The following C3orf20 variants were observed in gnomAD, a reference collection of about 807,000 sequenced individuals.
C3orf20 encodes family with sequence similarity 149 member C.
C3orf20 carries 76 observed loss-of-function variants against 88.3 expected under a neutral mutation model. The observed-to-expected ratio is 0.86, with a 90% CI of 0.72 to 1.04. C3orf20 has a LOEUF of 1.04. Among genes scored for constraint, C3orf20 ranks in the 50% least tolerant of loss-of-function variants. The probability of loss-of-function intolerance (pLI) is 0.00; values close to 1 mark genes in which losing one functional copy is unlikely to be tolerated. For synonymous variants in C3orf20, 436 were observed against 437.4 expected, an observed-to-expected ratio of 1.00 and a Z score of 0.04; for missense variants, 1,056 against 1,123.3, an observed-to-expected ratio of 0.94 and a Z score of 0.86.
chr3:14,693,796 T>C (rs1226576513), intron 5 of C3orf20, among the ~76,000 whole-genome samples: 4 of 152,246 alleles, frequency 2.6e-5, no homozygotes, highest in Non-Finnish European at 5.9e-5. Context: ...CTTTCAGTTT[T>C]TCCCCATTCA....
chr3:14,696,216 CT>C (rs1239661242), intron 5 of C3orf20, among the ~76,000 whole-genome samples: 3 of 150,964 alleles, frequency 2.0e-5, no homozygotes, highest in East Asian at 3.9e-4. Flanking sequence ...TTATTTTAAG[CT>C]GATAACAACT....
At chr3:14,737,681 G>A (rs2034762424) in intron 12 of C3orf20, among the ~76,000 whole-genome samples, 1 of 152,178 alleles carries the variant, frequency 6.6e-6, no homozygotes, top group African/African-American at 2.4e-5. Context: ...CTTAAAAGAA[G>A]ACAGCAAAAA....
intron 10 of C3orf20, chr3:14,722,634 G>A (rs981350551): frequency 4.2e-5 from 19 of 454,960 alleles, no homozygotes; most frequent in African/African-American, 8.0e-5. Flanking sequence ...GACTGCTTTC[G>A]TTTCAAGTCT....
chr3:14,684,645 C>T (rs986813809), intron 4 of C3orf20, among the ~76,000 whole-genome samples: 8 of 152,210 alleles, frequency 5.3e-5, no homozygotes, highest in African/African-American at 1.7e-4. Context: ...TCCCTAGAGC[C>T]GTGCTCTCAA....
intron 12 of C3orf20, among the ~76,000 whole-genome samples, chr3:14,745,108 G>A (rs1437202576): frequency 6.6e-6 from 1 of 152,238 alleles, no homozygotes; most frequent in East Asian, 1.9e-4. Flanking sequence ...AAATCTGTTT[G>A]CCTGTTAGAG....
chr3:14,682,652 G>C lies in C3orf20; in HGVS notation c.-62G>C, dbSNP rs1241422743. The C allele has an allele frequency of 1.9e-6, 3 of 1,541,966 alleles. No individual in the cohort carries two copies. The Admixed American group carries it at 5.8e-5, about 30-fold the overall frequency. On this transcript the variant is annotated 5_prime_UTR_variant, in exon 3 of 17. Transcript: ENST00000253697. ...GTCCATCTCCAAGCCTTCACCGTAG[G>C]GAAGAACTTTTGCTCTCAGTCACCT...
At chr3:14,712,180 G>GCA (rs764059777) in intron 7 of C3orf20, among the ~76,000 whole-genome samples, 7 of 108,828 alleles carry the variant, frequency 6.4e-5, no homozygotes, top group East Asian at 2.8e-4. Context: ...ACACGCGCGC[G>GCA]CGCACACACA....
At chr3:14,709,274 G>C (rs1356019336) in intron 7 of C3orf20, among the ~76,000 whole-genome samples, 3 of 152,028 alleles carry the variant, frequency 2.0e-5, no homozygotes, top group Admixed American at 6.6e-5. Context: ...GGACTCTTTA[G>C]AATTTTCTAT....
intron 9 of C3orf20, among the ~76,000 whole-genome samples, chr3:14,716,839 G>A (rs944780073): frequency 1.3e-5 from 2 of 152,192 alleles, no homozygotes; most frequent in African/African-American, 2.4e-5. Flanking sequence ...CACAGCCCCA[G>A]AGCAACCCTG....
In C3orf20 at chr3:14,772,293, G is replaced by A. The variant is rs2035881400; in HGVS notation, c.2630+92G>A. 25 of 1,495,830 alleles carry A rather than the reference G, an allele frequency of 1.7e-5. 1 individual carries two copies. The highest frequency in any genetic ancestry group is 6.9e-5 in the African/African-American group (5 of 72,384). 92.7% of individuals were successfully genotyped at this position (1,495,830 alleles called of 1,614,324 possible). On this transcript the variant is annotated intron_variant, in intron 16 of 16. Transcript: ENST00000253697. This position sits in a 1 kb window ranked among gnomAD's most constrained non-coding sequence, Gnocchi z 4.2. Reference sequence around the variant, plus strand: ...CTTGGGCAAGTCACTACCCCCAGGCGTGGCCTGGGTCATGTCCAACCATCG... The same window carrying A: ...CTTGGGCAAGTCACTACCCCCAGGCATGGCCTGGGTCATGTCCAACCATCG...
intron 12 of C3orf20, among the ~76,000 whole-genome samples, chr3:14,742,128 C>G (rs1012407766): frequency 6.6e-6 from 1 of 152,144 alleles, no homozygotes; most frequent in Admixed American, 6.5e-5. Flanking sequence ...TAAGTTGGTG[C>G]AAAAGTAATT....
intron 15 of C3orf20, among the ~76,000 whole-genome samples, chr3:14,767,814 C>G (rs1412844821): frequency 1.3e-5 from 2 of 152,374 alleles, no homozygotes; most frequent in South Asian, 2.1e-4. Context: ...CTCTCCAGAA[C>G]AGCAGAGCAC....
chr3:14,715,232 G>A (rs1388033529), intron 8 of C3orf20, 57 bp from the exon 9 acceptor site: 1 of 1,588,866 alleles, frequency 6.3e-7, no homozygotes, highest in African/African-American at 1.3e-5. Flanking sequence ...AACCTGCGGT[G>A]ATGAGAGCTT....
Position 14,772,051 on chromosome 3 carries a change from C to A in C3orf20, c.2496-16C>A, listed in dbSNP as rs201104287. On this transcript the variant is annotated splice_polypyrimidine_tract_variant and intron_variant, in intron 15 of 16. Transcript: ENST00000253697. This position sits in a 1 kb window ranked among gnomAD's most constrained non-coding sequence, Gnocchi z 4.2. ...CTGGGCCCTGAGCACTGCCCCCGAC[C>A]CTGCCTCCCCTGCAGTGTTCCCAAC... is the stretch of plus-strand genomic sequence containing the variant. 2.0e-5 allele frequency: 32 copies of A among 1,614,126 alleles called. No homozygotes were observed. In the African/African-American group the frequency reaches 4.1e-4, roughly 21 times the overall value.
intron 12 of C3orf20, among the ~76,000 whole-genome samples, chr3:14,739,649 C>A (rs1054625733): frequency 4.6e-5 from 7 of 152,178 alleles, no homozygotes; most frequent in Non-Finnish European, 1.0e-4. Context: ...TATGTAAGTC[C>A]TAGGTGGCAT....
intron 5 of C3orf20, among the ~76,000 whole-genome samples, chr3:14,700,343 C>T (rs2033201086): frequency 6.6e-6 from 1 of 152,200 alleles, no homozygotes; most frequent in Admixed American, 6.5e-5. Flanking sequence ...ACTCCTCCAC[C>T]TAACTTTCAT....
chr3:14,770,095 T>C (rs1193093031), intron 15 of C3orf20, among the ~76,000 whole-genome samples: 1 of 152,130 alleles, frequency 6.6e-6, no homozygotes, highest in Non-Finnish European at 1.5e-5. Flanking sequence ...CCCATCAGCC[T>C]ACCCTGCGTC....
intron 12 of C3orf20, among the ~76,000 whole-genome samples, chr3:14,744,101 C>G (rs769487171): frequency 1.3e-5 from 2 of 152,058 alleles, no homozygotes; most frequent in Non-Finnish European, 2.9e-5. Flanking sequence ...CATAGTCAGG[C>G]TGAAAATTTT....
intron 10 of C3orf20, chr3:14,722,189 C>T (rs1484706479): frequency 3.5e-6 from 1 of 289,212 alleles, no homozygotes; most frequent in Non-Finnish European, 6.9e-6. Context: ...CTGTTGATGA[C>T]AAGATGACCA....
Sources: allele counts gnomAD v4.1 joint callset (sites outside exome capture counted in the v4.1 genomes callset), GRCh38; gene constraint gnomAD v4.1.1; non-coding constraint Gnocchi (gnomAD v3.1); transcripts MANE v1.5; gene names NCBI Gene and HGNC (gene_info 2026-07-23, HGNC 2026-07-21).